Variants in PCDHGA7 observed in about 807,000 individuals in gnomAD.
PCDHGA7 encodes the protein protocadherin gamma-A7.
A neutral mutation model predicts 58.3 loss-of-function variants in PCDHGA7; 44 were observed. The ratio of observed to expected loss-of-function variants is 0.75; its 90% CI spans 0.59 to 0.97. The LOEUF (loss-of-function observed/expected upper bound fraction) is 0.97, where lower values mean the gene tolerates loss of function less well. Among genes scored for constraint, PCDHGA7 ranks in the 50% least tolerant of loss-of-function variants. PCDHGA7 has a pLI of 0.00. For synonymous variants in PCDHGA7, 516 were observed against 504.2 expected, an observed-to-expected ratio of 1.02 and a Z score of -0.31; for missense variants, 1,266 against 1,188.7, an observed-to-expected ratio of 1.06 and a Z score of -0.96.
At chr5:141,393,378 G>C in intron 1 of PCDHGA7, 1 of 1,613,982 alleles carries the variant, frequency 6.2e-7, no homozygotes, top group Non-Finnish European at 8.5e-7. Flanking sequence ...AGACAATGGA[G>C]CCATAAACCC....
chr5:141,438,591 CATATATATATAT>C lies in PCDHGA7; in HGVS notation c.2424+53302_2424+53313del, dbSNP rs946798767. ...TCTGATATACATACATACATACATACATATATATATATATATATATATATATATATATATATA... is the reference window on the plus strand; with the variant it reads ...TCTGATATACATACATACATACATACATATATATATATATATATATATATA... On this transcript the variant is annotated intron_variant, in intron 1 of 3. Coordinates refer to ENST00000518325, the MANE Select transcript of PCDHGA7 (RefSeq NM_018920.4). Among the ~76,000 whole-genome samples the C allele has an allele frequency of 1.5e-4, 11 of 75,568 alleles. No homozygotes were observed. The East Asian group carries it at 2.8e-3, about 19-fold the overall frequency. The allele number at this position is 75,568 out of a possible 152,430, so 49.6% of individuals were successfully genotyped here.
intron 1 of PCDHGA7, chr5:141,408,047 A>C (rs1038145479): frequency 2.4e-6 from 3 of 1,243,316 alleles, no homozygotes; most frequent in Non-Finnish European, 3.2e-6. Context: ...GCTCCCACAC[A>C]GAGCCTCCCG....
intron 1 of PCDHGA7, among the ~76,000 whole-genome samples, chr5:141,437,741 C>CTTT (rs35124340): frequency 4.2e-5 from 6 of 141,750 alleles, no homozygotes; most frequent in Admixed American, 7.0e-5. Flanking sequence ...TTGAGTTCAC[C>CTTT]TTTTTTTTTT....
chr5:141,421,905 A>C, intron 1 of PCDHGA7: 1 of 1,613,752 alleles, frequency 6.2e-7, no homozygotes, highest in Non-Finnish European at 8.5e-7. Context: ...GAAAGGGCGC[A>C]GTTCCCATTC....
intron 1 of PCDHGA7, chr5:141,416,276 A>G (rs553989511): frequency 6.6e-6 from 1 of 152,388 alleles, no homozygotes; most frequent in East Asian, 1.9e-4. Context: ...TTTTGCATAC[A>G]ATTCTCTAAT....
chr5:141,384,992 C>A lies in PCDHGA7; in HGVS notation c.2093C>A (p.Ala698Asp), dbSNP rs536147893. ...DLTLYLVVAV[A>D]TVSCVFLAFV... is the part of the protein sequence containing the mutation. Reference sequence around the variant, plus strand: ...ACGTTGTACCTGGTGGTGGCGGTGGCCACAGTCTCCTGCGTCTTCCTAGCC... The same window carrying A: ...ACGTTGTACCTGGTGGTGGCGGTGGACACAGTCTCCTGCGTCTTCCTAGCC... The change falls in exon 1 of 4, where the codon GCC (alanine) becomes GAC (aspartate). Residue 698 changes from alanine (A) to aspartate (D), a missense_variant. Transcript: ENST00000518325. The A allele has an allele frequency of 6.2e-7, 1 of 1,614,146 alleles. No individual in the cohort carries two copies. Among genetic ancestry groups the A allele is most frequent in the Admixed American group, 1.7e-5 (1 of 60,032 alleles).
At position 141,491,856 on chromosome 5, in the gene PCDHGA7, C is replaced by T; in HGVS notation, c.2425-2951C>T. 1.4e-6 allele frequency: 2 copies of T among 1,458,728 alleles called. No individual in the cohort carries two copies. Among genetic ancestry groups the T allele is most frequent in the Non-Finnish European group, 1.8e-6 (2 of 1,103,072 alleles). 90.4% of individuals were successfully genotyped at this position (1,458,728 alleles called of 1,614,324 possible). A position where few individuals can be genotyped will look rare whatever the true frequency, so the allele number is the denominator to read the frequency against. ...TCTCGGGATCATTGGACCGTTTGCG[C>T]GAAACCAGAGTGGCCGATTAAGGGA... On this transcript the variant is annotated intron_variant, in intron 1 of 3. Coordinates refer to ENST00000518325, the MANE Select transcript of PCDHGA7 (RefSeq NM_018920.4). The surrounding 1 kb of genome is among the most constrained non-coding windows in gnomAD (Gnocchi z 6.9).
At chr5:141,484,863 G>T (rs561595169) in intron 1 of PCDHGA7, 136 of 273,782 alleles carry the variant, frequency 5.0e-4, no homozygotes, top group African/African-American at 2.8e-3. Context: ...GGGGGTGGGG[G>T]AGCGTGGAGG....
chr5:141,476,864 C>T lies in PCDHGA7; in HGVS notation c.2425-17943C>T, dbSNP rs1318457627. ...GCCTGTCTTCAACCAGTCCTTGTAC[C>T]GGGCGCGCGTCCTGGAGGATGCACC... is the stretch of plus-strand genomic sequence containing the variant. On this transcript the variant is annotated intron_variant, in intron 1 of 3. Coordinates refer to ENST00000518325, the MANE Select transcript of PCDHGA7 (RefSeq NM_018920.4). This position sits in a 1 kb window ranked among gnomAD's most constrained non-coding sequence, Gnocchi z 7.6. 4.3e-6 allele frequency: 7 copies of T among 1,613,838 alleles called. No homozygotes were observed. Among genetic ancestry groups the T allele is most frequent in the Non-Finnish European group, 5.9e-6 (7 of 1,180,044 alleles).
intron 1 of PCDHGA7, chr5:141,423,674 C>A (rs57195665): frequency 0.087 from 131,432 of 1,514,090 alleles, 6,254 homozygotes; most frequent in East Asian, 0.14. Flanking sequence ...AGATTTATTT[C>A]TCTGCCTCCT....
At chr5:141,415,478 GA>G (rs1209443921) in intron 1 of PCDHGA7, 2 of 1,613,964 alleles carry the variant, frequency 1.2e-6, no homozygotes, top group Non-Finnish European at 1.7e-6. Context: ...GCGGACTCGC[GA>G]AAGAGTCACC....
chr5:141,427,905 A>G (rs754321006), intron 1 of PCDHGA7: 1 of 1,574,682 alleles, frequency 6.4e-7, no homozygotes, highest in South Asian at 1.1e-5. Context: ...GCCCGCGCTC[A>G]GCGCCAACAT....
Position 141,384,596 on chromosome 5 carries a change from C to G in PCDHGA7, c.1697C>G (p.Ala566Gly). The G allele has an allele frequency of 6.2e-7, 1 of 1,614,240 alleles. No homozygotes were observed. The highest frequency in any genetic ancestry group is 8.5e-7 in the Non-Finnish European group (1 of 1,180,044). The change falls in exon 1 of 4, where the codon GCC becomes GGC. Residue 566 changes from alanine to glycine, a missense_variant. By Grantham distance (60) the Ala-to-Gly change is moderately conservative. Coordinates refer to ENST00000518325, the MANE Select transcript of PCDHGA7 (RefSeq NM_018920.4). ...NDNPPEILYPALPTDGSTGME... is the reference protein window; with the variant it reads ...NDNPPEILYPGLPTDGSTGME... ...AACCCGCCCGAGATCCTGTACCCGG[C>G]CCTCCCCACAGATGGTTCTACTGGC...
intron 1 of PCDHGA7, chr5:141,417,186 C>A (rs2154546857): frequency 6.6e-6 from 1 of 152,258 alleles, no homozygotes; most frequent in Admixed American, 6.5e-5. Context: ...GGAATTATTA[C>A]TTTCTGGGTG....
chr5:141,453,545 A>T (rs2098768582), intron 1 of PCDHGA7, among the ~76,000 whole-genome samples: 1 of 151,998 alleles, frequency 6.6e-6, no homozygotes, highest in African/African-American at 2.4e-5. Flanking sequence ...TTCACACCAC[A>T]CTCTGTAGAT....
In PCDHGA7 at chr5:141,433,040, A is replaced by ACGGACT. The variant is rs753119003; in HGVS notation, c.2424+47720_2424+47725dup. The ACGGACT allele has an allele frequency of 8.1e-6, 13 of 1,614,088 alleles. No homozygotes were observed. In the African/African-American group the frequency reaches 1.7e-4, roughly 22 times the overall value. On this transcript the variant is annotated intron_variant, in intron 1 of 3. Transcript: ENST00000518325. ...CTATTCCCACGAGGTTTCCCTCACC[A>ACGGACT]CGGACTCGCGGAAGAGTCACCTGAT...
chr5:141,443,309 C>T (rs2098379780), intron 1 of PCDHGA7, among the ~76,000 whole-genome samples: 1 of 131,436 alleles, frequency 7.6e-6, no homozygotes, highest in African/African-American at 3.4e-5. Flanking sequence ...GGCAAAAACC[C>T]ATCTCTACAA....
chr5:141,399,546 G>T, intron 1 of PCDHGA7: 1 of 1,614,032 alleles, frequency 6.2e-7, no homozygotes. Flanking sequence ...TCTGCGCCTC[G>T]GACCTGGACT....
chr5:141,415,759 T>TG (rs2095937522), intron 1 of PCDHGA7: 3 of 1,352,056 alleles, frequency 2.2e-6, no homozygotes, highest in Non-Finnish European at 2.9e-6. Flanking sequence ...TTTTTTTTTT[T>TG]TTTTTTTTTT....
Sources: gnomAD v4.1 joint callset for allele counts (sites outside exome capture counted in the v4.1 genomes callset) on GRCh38, gnomAD v4.1.1 for gene constraint, Gnocchi (gnomAD v3.1) non-coding constraint, MANE v1.5 for transcripts, NCBI Gene and HGNC (gene_info 2026-07-23, HGNC 2026-07-21) for gene names.